RALGPS1: variants seen among roughly 807,000 people sequenced by gnomAD.
RALGPS1 encodes Ral GEF with PH domain and SH3 binding motif 1.
A neutral mutation model predicts 78.8 loss-of-function variants in RALGPS1; 19 were observed. The ratio of observed to expected loss-of-function variants is 0.24; its 90% CI spans 0.17 to 0.35. The LOEUF is 0.35. Among genes scored for constraint, RALGPS1 ranks in the 10% least tolerant of loss-of-function variants. The pLI is 1.00. For missense variants in RALGPS1, 454 were observed against 688.3 expected (o/e 0.66, Z 3.81); for synonymous variants, 228 against 256.3 (o/e 0.89, Z 1.06).
chr9:127,192,887 A>G (rs2061150111), intron 11 of RALGPS1, among the ~76,000 whole-genome samples: 1 of 152,070 alleles, frequency 6.6e-6, no homozygotes, highest in Non-Finnish European at 1.5e-5. Context: ...GGGCATTTTG[A>G]GAAGGAGTGA....
At chr9:127,009,821 A>G (rs890366783) in intron 4 of RALGPS1, among the ~76,000 whole-genome samples, 1 of 151,898 alleles carries the variant, frequency 6.6e-6, no homozygotes, top group Non-Finnish European at 1.5e-5. Context: ...TGCCCTTCCC[A>G]CTTTCTTGAA....
chr9:127,108,277 G>T (rs770228069), intron 8 of RALGPS1: 1 of 1,614,008 alleles, frequency 6.2e-7, no homozygotes, highest in Non-Finnish European at 8.5e-7. Context: ...GAGCTCCAAC[G>T]CGTTGTCCCG....
intron 4 of RALGPS1, among the ~76,000 whole-genome samples, chr9:126,997,825 T>C (rs1221444507): frequency 1.3e-5 from 2 of 152,130 alleles, no homozygotes; most frequent in Non-Finnish European, 2.9e-5. Context: ...AACAGAGATA[T>C]GGACCAATGG....
rs766509469 is a variant in RALGPS1 at position 126,962,371 on chromosome 9, C to T, written c.57+25C>T. The T allele has an allele frequency of 3.7e-6, 6 of 1,612,912 alleles. No individual in the cohort carries two copies. The African/African-American group carries it at 8.0e-5, about 22-fold the overall frequency. On this transcript the variant is annotated intron_variant, in intron 2 of 18. Coordinates refer to ENST00000259351, the MANE Select transcript of RALGPS1 (RefSeq NM_014636.3). ...GGTACTGAGGCTGCAAGAATCGGGA[C>T]AGTGGGTAGAGGGGTCTCCTTTCAG...
Position 127,069,211 on chromosome 9 carries a change from T to C in RALGPS1, c.484-19T>C. The C allele has an allele frequency of 6.3e-7, 1 of 1,588,092 alleles. No homozygotes were observed. The highest frequency in any genetic ancestry group is 1.3e-5 in the African/African-American group (1 of 74,188). On this transcript the variant is annotated intron_variant, in intron 7 of 18. Coordinates refer to ENST00000259351, the MANE Select transcript of RALGPS1 (RefSeq NM_014636.3). ...TTCTTCTGGTTTACTTATTTTGCTATATTTTCTTCTCATTCTAGCTTTTAA... is the reference window on the plus strand; with the variant it reads ...TTCTTCTGGTTTACTTATTTTGCTACATTTTCTTCTCATTCTAGCTTTTAA...
rs570281630 is a variant in RALGPS1 at position 127,105,719 on chromosome 9, A to T, written c.610+36363A>T. ...CTCCCTCCCAGAGAAATCCATTGTC[A>T]GATCTGATGTGCTGATGTTAGGGAC... is the stretch of plus-strand genomic sequence containing the variant. On this transcript the variant is annotated intron_variant, in intron 8 of 18. Transcript: ENST00000259351. Among the ~76,000 whole-genome samples, 5 of 152,332 alleles carry T rather than the reference A, an allele frequency of 3.3e-5. No individual in the cohort carries two copies. The East Asian group carries it at 7.7e-4, about 23-fold the overall frequency.
chr9:127,198,776 G>A (rs774325657), intron 13 of RALGPS1, among the ~76,000 whole-genome samples: 2 of 152,160 alleles, frequency 1.3e-5, no homozygotes, highest in African/African-American at 2.4e-5. Context: ...GCAGTTAGCT[G>A]TGGCCCCCGG....
chr9:127,119,532 C>G (rs115795011), intron 8 of RALGPS1, among the ~76,000 whole-genome samples: 1 of 152,210 alleles, frequency 6.6e-6, no homozygotes, highest in Non-Finnish European at 1.5e-5. Flanking sequence ...GCAAGTTAAC[C>G]TCTCGAGACT....
At chr9:127,037,796 T>C (rs1052785738) in intron 5 of RALGPS1, among the ~76,000 whole-genome samples, 5 of 152,256 alleles carry the variant, frequency 3.3e-5, no homozygotes, top group Non-Finnish European at 7.3e-5. Flanking sequence ...GTGGCTCAGA[T>C]TGCCCTGGCT....
At chr9:127,108,887 C>G (rs1440111967) in intron 8 of RALGPS1, 5 of 819,144 alleles carry the variant, frequency 6.1e-6, no homozygotes, top group Non-Finnish European at 9.2e-6. Flanking sequence ...TTTCCAAAAA[C>G]TCTGCTTCAG....
chr9:127,108,866 G>A (rs2054524674), intron 8 of RALGPS1: 1 of 988,310 alleles, frequency 1.0e-6, no homozygotes, highest in East Asian at 2.7e-5. Context: ...TTCTCGCCAG[G>A]CAGGCAGAGC....
intron 5 of RALGPS1, among the ~76,000 whole-genome samples, chr9:127,042,793 A>G (rs1026616760): frequency 6.6e-6 from 1 of 152,136 alleles, no homozygotes; most frequent in Non-Finnish European, 1.5e-5. Flanking sequence ...CTCCAAAAAT[A>G]CTCCTGGAAC....
chr9:127,082,534 A>G (rs1047914257), intron 8 of RALGPS1, among the ~76,000 whole-genome samples: 2 of 152,076 alleles, frequency 1.3e-5, no homozygotes, highest in South Asian at 4.1e-4. Context: ...CAGATGTATT[A>G]CTGAGTGATA....
rs534817447 is a variant in RALGPS1, at chr9:127,016,381, T to C, written c.217-18050T>C. On this transcript the variant is annotated intron_variant, in intron 4 of 18. Coordinates refer to ENST00000259351, the MANE Select transcript of RALGPS1 (RefSeq NM_014636.3). ...ACAGAATGGGAGAGCTGGGAGGATC[T>C]CAAAGACCATCTGGTGCTGCTATAT... 3.3e-5 allele frequency among the ~76,000 whole-genome samples: 5 copies of C among 152,320 alleles called. No individual in the cohort carries two copies. The South Asian group carries it at 1.0e-3, about 32-fold the overall frequency.
At chr9:127,156,249 C>A (rs1277795661) in intron 8 of RALGPS1, among the ~76,000 whole-genome samples, 2 of 152,116 alleles carry the variant, frequency 1.3e-5, no homozygotes, top group African/African-American at 4.8e-5. Context: ...GTGAACATTT[C>A]TTATTAATGT....
intron 1 of RALGPS1, among the ~76,000 whole-genome samples, chr9:126,915,810 C>G (rs115473655): frequency 6.6e-6 from 1 of 151,522 alleles, no homozygotes; most frequent in African/African-American, 2.4e-5. Flanking sequence ...ATTGGATGAT[C>G]GGTTGTTGAA....
chr9:126,921,236 C>T (rs139657039), intron 1 of RALGPS1, among the ~76,000 whole-genome samples: 92 of 152,326 alleles, frequency 6.0e-4, no homozygotes, highest in African/African-American at 2.1e-3. Context: ...GAGAGATCAA[C>T]TCTGAAGTCA....
intron 11 of RALGPS1, among the ~76,000 whole-genome samples, chr9:127,179,547 C>T (rs1030751809): frequency 6.6e-6 from 1 of 152,228 alleles, no homozygotes; most frequent in Non-Finnish European, 1.5e-5. Context: ...CCAGTAGGCA[C>T]ATCCCCCACA....
intron 8 of RALGPS1, among the ~76,000 whole-genome samples, chr9:127,123,108 C>T (rs754047642): frequency 5.3e-5 from 8 of 152,200 alleles, no homozygotes; most frequent in South Asian, 2.1e-4. Flanking sequence ...CCCAGGCTGG[C>T]GGGCGGGGCA....
Sources: gnomAD v4.1 joint callset for allele counts (sites outside exome capture counted in the v4.1 genomes callset) on GRCh38, gnomAD v4.1.1 for gene constraint, MANE v1.5 for transcripts, NCBI Gene and HGNC (gene_info 2026-07-23, HGNC 2026-07-21) for gene names.